The following STPG1 variants were observed in gnomAD, a reference collection of about 807,000 sequenced individuals.
STPG1 encodes the protein O(6)-methylguanine-induced apoptosis 2.
STPG1 carries 33 observed loss-of-function variants against 40.1 expected under a neutral mutation model. The observed-to-expected ratio is 0.82, with a 90% confidence interval of 0.62 to 1.10. The LOEUF (loss-of-function observed/expected upper bound fraction) is 1.10. Among genes scored for constraint, STPG1 ranks in the 50% least tolerant of loss-of-function variants. The pLI is 0.00. For synonymous variants in STPG1, 150 were observed against 155.0 expected (o/e 0.97, Z 0.24); for missense variants, 396 against 415.1 (o/e 0.95, Z 0.40).
chr1:24,374,827 T>C (rs1329362855), intron 5 of STPG1, among the ~76,000 whole-genome samples: 1 of 151,556 alleles, frequency 6.6e-6, no homozygotes, highest in Non-Finnish European at 1.5e-5. Flanking sequence ...GGTTTCACCA[T>C]GTTGCCTAGG....
At chr1:24,381,662 G>A (rs908754569) in intron 4 of STPG1, among the ~76,000 whole-genome samples, 1 of 152,242 alleles carries the variant, frequency 6.6e-6, no homozygotes, top group African/African-American at 2.4e-5. Flanking sequence ...GTTGGGTGTA[G>A]TTGTTTCAAC....
At chr1:24,369,942 T>C in intron 6 of STPG1, 103 bp from the exon 7 acceptor site, 1 of 1,064,740 alleles carries the variant, frequency 9.4e-7, no homozygotes, top group Admixed American at 2.6e-5. Context: ...CAAGGCACCA[T>C]CACTCTAGGA....
intron 7 of STPG1, chr1:24,369,385 A>G (rs1214231106): frequency 5.4e-6 from 3 of 553,634 alleles, no homozygotes; most frequent in Non-Finnish European, 1.1e-5. Context: ...TGTCCCGCCA[A>G]ATCCGAAGCC....
At chr1:24,374,180 C>T (rs1460563759) in intron 5 of STPG1, among the ~76,000 whole-genome samples, 1 of 151,708 alleles carries the variant, frequency 6.6e-6, no homozygotes, top group Admixed American at 6.6e-5. Context: ...ACAGTCAGCT[C>T]CACTTGCTGT....
At chr1:24,368,538 A>G (rs1178442017) in intron 7 of STPG1, among the ~76,000 whole-genome samples, 2 of 152,212 alleles carry the variant, frequency 1.3e-5, no homozygotes, top group South Asian at 2.1e-4. Context: ...TTCTAGAACC[A>G]TTCGAGAAAT....
intron 5 of STPG1, among the ~76,000 whole-genome samples, chr1:24,377,520 A>C (rs79447324): frequency 0.017 from 2,547 of 151,856 alleles, 76 homozygotes; most frequent in African/African-American, 0.059. Flanking sequence ...GCTCTTCCTC[A>C]ATCCTTGGGT....
chr1:24,364,741 A>G (rs907403539), intron 7 of STPG1, among the ~76,000 whole-genome samples: 2 of 152,202 alleles, frequency 1.3e-5, no homozygotes, highest in East Asian at 3.9e-4. Context: ...AGGGCAGCCC[A>G]CAGTGCATTG....
At chr1:24,410,243 C>A (rs1643563937) in intron 1 of STPG1, among the ~76,000 whole-genome samples, 1 of 152,148 alleles carries the variant, frequency 6.6e-6, no homozygotes, top group Non-Finnish European at 1.5e-5. Context: ...TAAGGGAGGA[C>A]TACTATAATA....
Position 24,359,483 on chromosome 1 carries a change from GC to G in STPG1, c.929-865del, listed in dbSNP as rs1419523767. 2.0e-5 allele frequency among the ~76,000 whole-genome samples: 3 copies of G among 152,206 alleles called. No homozygotes were observed. Among genetic ancestry groups the G allele is most frequent in the African/African-American group, 4.8e-5 (2 of 41,452 alleles). Reference sequence around the variant, plus strand: ...ATGAGCCCCAGATCAAACCTCTACAGCCTTGCTGGTGTGATTATCACCACAT... The same window carrying G: ...ATGAGCCCCAGATCAAACCTCTACAGCTTGCTGGTGTGATTATCACCACAT... On this transcript the variant is annotated intron_variant, in intron 8 of 8. Transcript: ENST00000337248. This position sits in a 1 kb window ranked among gnomAD's most constrained non-coding sequence, Gnocchi z 5.3.
intron 2 of STPG1, among the ~76,000 whole-genome samples, chr1:24,397,372 A>G (rs771209487): frequency 2.0e-5 from 3 of 152,180 alleles, no homozygotes; most frequent in Admixed American, 6.5e-5. Context: ...TCAATTCCAT[A>G]CAAGCTGTCC....
intron 7 of STPG1, chr1:24,364,351 T>C (rs920830003): frequency 1.3e-6 from 2 of 1,545,558 alleles, no homozygotes; most frequent in Non-Finnish European, 1.7e-6. Context: ...CAGCCTGCAC[T>C]TCACTGTAAA....
rs1641840737 is a variant in STPG1 at position 24,373,328 on chromosome 1, G to A, written c.571+374C>T. Reference sequence around the variant, plus strand: ...TGGCAGCTCAGTGTTGAAGGAACAGGATGTATGGTCATGCCCTGTATCTCC... The same window carrying A: ...TGGCAGCTCAGTGTTGAAGGAACAGAATGTATGGTCATGCCCTGTATCTCC... On this transcript the variant is annotated intron_variant, in intron 6 of 8. Transcript: ENST00000337248. Among the ~76,000 whole-genome samples the A allele has an allele frequency of 2.0e-5, 3 of 152,190 alleles. 1 individual carries two copies. In the South Asian group the frequency reaches 6.2e-4, roughly 32 times the overall value.
chr1:24,386,060 G>A (rs1383057733), intron 3 of STPG1, among the ~76,000 whole-genome samples: 1 of 152,186 alleles, frequency 6.6e-6, no homozygotes, highest in African/African-American at 2.4e-5. Flanking sequence ...GGAGCTAGGG[G>A]TTCCAGACAA....
intron 4 of STPG1, among the ~76,000 whole-genome samples, chr1:24,381,881 C>G (rs990965149): frequency 2.0e-5 from 3 of 152,184 alleles, no homozygotes; most frequent in Non-Finnish European, 2.9e-5. Context: ...AATTCTCATC[C>G]AGTTCACACG....
chr1:24,370,060 T>C (rs1036428166), intron 6 of STPG1, among the ~76,000 whole-genome samples: 4 of 152,140 alleles, frequency 2.6e-5, no homozygotes, highest in African/African-American at 9.7e-5. Context: ...CGCACTAGCC[T>C]GGCAAGATGA....
At chr1:24,360,371 C>G (rs1017890036) in intron 8 of STPG1, among the ~76,000 whole-genome samples, 1 of 152,286 alleles carries the variant, frequency 6.6e-6, no homozygotes, top group East Asian at 1.9e-4. Context: ...ATTGCCTGAA[C>G]CTGGGAGGCG....
At chr1:24,397,273 C>G (rs1274970660) in intron 2 of STPG1, among the ~76,000 whole-genome samples, 1 of 152,132 alleles carries the variant, frequency 6.6e-6, no homozygotes, top group Non-Finnish European at 1.5e-5. Flanking sequence ...ATAATTTAAA[C>G]AAGTAGATAG....
chr1:24,358,547 A>G lies in STPG1; in HGVS notation c.1001T>C (p.Leu334Pro). The G allele has an allele frequency of 2.5e-6, 4 of 1,613,366 alleles. No individual in the cohort carries two copies. The highest frequency in any genetic ancestry group is 3.4e-6 in the Non-Finnish European group (4 of 1,179,262). The stretch of plus-strand genomic sequence containing the variant: ...CCTTGACCTTGTGTGACATCCCTAC[A>G]GAACCGGGATCCATTTCTTGTCCTC... Reference protein sequence around the residue: ...YNEDKKWIPVL With the variant: ...YNEDKKWIPVP Residue 334 changes from leucine (L) to proline (P), a missense_variant, in exon 9 of 9, where the codon CTG (leucine) becomes CCG (proline). Transcript: ENST00000337248.
intron 7 of STPG1, among the ~76,000 whole-genome samples, chr1:24,362,863 A>G (rs1641213665): frequency 6.6e-6 from 1 of 152,228 alleles, no homozygotes; most frequent in Non-Finnish European, 1.5e-5. Context: ...AAGGGGGGAC[A>G]TGCTGCCTCC....
Sources: allele counts gnomAD v4.1 joint callset (sites outside exome capture counted in the v4.1 genomes callset), GRCh38; gene constraint gnomAD v4.1.1; non-coding constraint Gnocchi (gnomAD v3.1); transcripts MANE v1.5; gene names NCBI Gene and HGNC (gene_info 2026-07-23, HGNC 2026-07-21).